The following ITPK1 variants were observed in gnomAD, a reference collection of about 807,000 sequenced individuals.
The protein encoded by ITPK1 is inositol-tetrakisphosphate 1-kinase, also known as inositol 1,3,4-trisphosphate 5/6-kinase.
A neutral mutation model predicts 45.3 loss-of-function variants in ITPK1; 21 were observed. The observed-to-expected ratio is 0.46, with a 90% CI of 0.33 to 0.67. The LOEUF (loss-of-function observed/expected upper bound fraction) is 0.67, where lower values mean the gene tolerates loss of function less well. ITPK1 is among the 30% of genes least tolerant of loss of function. The probability of loss-of-function intolerance (pLI) is 0.02; values close to 1 mark genes in which losing one functional copy is unlikely to be tolerated. For missense variants in ITPK1, 474 were observed against 573.5 expected (o/e 0.83, Z 1.77); for synonymous variants, 258 against 253.6 (o/e 1.02, Z -0.16).
chr14:92,994,178 C>T (rs1886934297), intron 4 of ITPK1, among the ~76,000 whole-genome samples, 181 bp from the exon 5 acceptor site: 1 of 152,236 alleles, frequency 6.6e-6, no homozygotes, highest in Non-Finnish European at 1.5e-5. Context: ...GAGAGAGAGG[C>T]TTGACTAGGC....
At chr14:93,107,377 C>T (rs1395808757) in intron 2 of ITPK1, among the ~76,000 whole-genome samples, 2 of 152,208 alleles carry the variant, frequency 1.3e-5, no homozygotes, top group Non-Finnish European at 2.9e-5. Context: ...ACAAGACAGA[C>T]TTAAAATAAG....
At position 92,940,695 on chromosome 14, in the gene ITPK1, A is replaced by G. The variant is rs1196177608; in HGVS notation, c.*866T>C. 4 of 1,285,418 alleles carry G rather than the reference A, an allele frequency of 3.1e-6. No homozygotes were observed. The Admixed American group carries it at 9.3e-5, about 30-fold the overall frequency. The allele number at this position is 1,285,418 out of a possible 1,614,324, so 79.6% of individuals were successfully genotyped here. The stretch of plus-strand genomic sequence containing the variant: ...AAAGCCAGCCCTGTGGTGCTCTCTG[A>G]TCTCAAATGTCCACTAGAGACAAGG... On this transcript the variant is annotated 3_prime_UTR_variant, in exon 11 of 11. Coordinates refer to ENST00000267615, the MANE Select transcript of ITPK1 (RefSeq NM_014216.6).
intron 2 of ITPK1, among the ~76,000 whole-genome samples, chr14:93,100,169 G>C: frequency 6.6e-6 from 1 of 152,316 alleles, no homozygotes; most frequent in Non-Finnish European, 1.5e-5. Context: ...TCAGAGACAG[G>C]TATGTGGCCC....
intron 4 of ITPK1, among the ~76,000 whole-genome samples, chr14:93,003,202 G>T (rs912546589): frequency 6.6e-6 from 1 of 152,160 alleles, no homozygotes; most frequent in African/African-American, 2.4e-5. Context: ...AGAAAGTGTG[G>T]TTCTGCAGAA....
rs558073800 is a variant in ITPK1 at position 92,975,696 on chromosome 14, G to T, written c.365-12847C>A. 1.3e-5 allele frequency among the ~76,000 whole-genome samples: 2 copies of T among 152,352 alleles called. 1 individual carries two copies. The highest frequency in any genetic ancestry group is 4.1e-4 in the South Asian group (2 of 4,828). ...ATAGAACAAAAGGAAGGGTAAGAAA[G>T]AATTCACTCACTTGGCCTCCCTGTT... On this transcript the variant is annotated intron_variant, in intron 5 of 10. Transcript: ENST00000267615.
chr14:93,031,889 C>T (rs997362434), intron 3 of ITPK1, among the ~76,000 whole-genome samples: 39 of 152,220 alleles, frequency 2.6e-4, no homozygotes, highest in African/African-American at 9.2e-4. Flanking sequence ...AAAAAATTTT[C>T]TATGCATCCT....
chr14:92,975,349 T>C (rs927984464), intron 5 of ITPK1, among the ~76,000 whole-genome samples: 4 of 152,088 alleles, frequency 2.6e-5, no homozygotes, highest in African/African-American at 9.7e-5. Context: ...TTAAGGCTTC[T>C]TGGGTGCCCC....
chr14:93,099,906 G>T (rs1327607758), intron 2 of ITPK1, among the ~76,000 whole-genome samples: 1 of 152,220 alleles, frequency 6.6e-6, no homozygotes, highest in Non-Finnish European at 1.5e-5. Context: ...CGAACCCTCA[G>T]GCCCCCGTCC....
intron 4 of ITPK1, among the ~76,000 whole-genome samples, chr14:93,011,401 G>A (rs1190618460): frequency 6.6e-6 from 1 of 152,204 alleles, no homozygotes; most frequent in East Asian, 1.9e-4. Flanking sequence ...CTCACTTCCT[G>A]TCCCCTCAGG....
intron 5 of ITPK1, among the ~76,000 whole-genome samples, chr14:92,975,730 G>A (rs1885907356): frequency 6.6e-6 from 1 of 152,172 alleles, no homozygotes; most frequent in Non-Finnish European, 1.5e-5. Context: ...TTCAAGCTGG[G>A]ACATCAGTCT....
chr14:93,055,308 T>C (rs1890177139), intron 3 of ITPK1, among the ~76,000 whole-genome samples: 1 of 152,158 alleles, frequency 6.6e-6, no homozygotes, highest in South Asian at 2.1e-4. Context: ...CAGCCCTCCT[T>C]TCTCTTGGGT....
At chr14:92,980,018 C>T (rs181019053) in intron 5 of ITPK1, among the ~76,000 whole-genome samples, 5 of 152,126 alleles carry the variant, frequency 3.3e-5, no homozygotes, top group Admixed American at 1.3e-4. Context: ...TGACGTCAAA[C>T]GATCCACCCG....
At chr14:92,988,576 G>A (rs1187036528) in intron 5 of ITPK1, among the ~76,000 whole-genome samples, 5 of 152,200 alleles carry the variant, frequency 3.3e-5, no homozygotes, top group East Asian at 1.9e-4. Flanking sequence ...ACCTGCAGGC[G>A]CAGAGCCCCA....
At chr14:93,084,203 G>C (rs2139995733) in intron 2 of ITPK1, among the ~76,000 whole-genome samples, 1 of 152,346 alleles carries the variant, frequency 6.6e-6, no homozygotes, top group Admixed American at 6.5e-5. Context: ...AAACAACGCG[G>C]GCTGAGTGGC....
At chr14:92,986,530 A>G (rs937321840) in intron 5 of ITPK1, among the ~76,000 whole-genome samples, 8 of 152,168 alleles carry the variant, frequency 5.3e-5, no homozygotes, top group Admixed American at 1.3e-4. Context: ...TTGGGAGAGT[A>G]CCTCCTAGAG....
At chr14:93,084,762 G>A (rs1245869919) in intron 2 of ITPK1, among the ~76,000 whole-genome samples, 6 of 152,050 alleles carry the variant, frequency 3.9e-5, no homozygotes, top group Non-Finnish European at 8.8e-5. Context: ...CTCCCAGGAG[G>A]GACCCCAATC....
chr14:92,982,651 C>A (rs1886292494), intron 5 of ITPK1, among the ~76,000 whole-genome samples: 1 of 152,200 alleles, frequency 6.6e-6, no homozygotes, highest in Non-Finnish European at 1.5e-5. Context: ...GGCTTCTGAC[C>A]CACCCACCCA....
At chr14:93,025,560 C>A (rs972235829) in intron 3 of ITPK1, among the ~76,000 whole-genome samples, 2 of 152,190 alleles carry the variant, frequency 1.3e-5, no homozygotes, top group Non-Finnish European at 2.9e-5. Context: ...TCCGGATGAG[C>A]ACTCCAGTGT....
chr14:93,078,969 C>A (rs890571931), intron 2 of ITPK1, among the ~76,000 whole-genome samples: 1 of 152,018 alleles, frequency 6.6e-6, no homozygotes, highest in African/African-American at 2.4e-5. Flanking sequence ...GACAGAGGAG[C>A]GCAGACTTCC....
Sources: allele counts gnomAD v4.1 joint callset (sites outside exome capture counted in the v4.1 genomes callset), GRCh38; gene constraint gnomAD v4.1.1; transcripts MANE v1.5; gene names NCBI Gene and HGNC (gene_info 2026-07-23, HGNC 2026-07-21).